Variants in PLA2G4D observed in about 807,000 individuals in gnomAD.
PLA2G4D encodes phospholipase A2 group IVD, also known as cytosolic phospholipase A2 delta.
A neutral mutation model predicts 94.4 loss-of-function variants in PLA2G4D; 80 were observed. The observed-to-expected ratio is 0.85, with a 90% CI of 0.71 to 1.02. The LOEUF is 1.02. Among genes scored for constraint, PLA2G4D ranks in the 50% least tolerant of loss-of-function variants. PLA2G4D has a pLI of 0.00. For missense variants in PLA2G4D, 1,050 were observed against 1,034.7 expected (o/e 1.01, Z -0.20); for synonymous variants, 438 against 440.9 (o/e 0.99, Z 0.08).
At chr15:42,076,888 G>A (rs750719852) in intron 13 of PLA2G4D, among the ~76,000 whole-genome samples, 3 of 152,148 alleles carry the variant, frequency 2.0e-5, no homozygotes, top group African/African-American at 4.8e-5. Context: ...TTTAATGCAG[G>A]TGTGCAAGGA....
chr15:42,078,303 T>G (rs142886499), intron 13 of PLA2G4D, among the ~76,000 whole-genome samples: 129 of 152,328 alleles, frequency 8.5e-4, no homozygotes, highest in African/African-American at 3.0e-3. Flanking sequence ...TAAACCTAAA[T>G]TCAGGATGTT....
Position 42,079,444 on chromosome 15 carries a change from A to G in PLA2G4D, c.1317+93T>C, listed in dbSNP as rs75210712. The G allele has an allele frequency of 8.3e-3, 10,455 of 1,265,836 alleles. 242 individuals are homozygous for G. The highest frequency in any genetic ancestry group is 0.071 in the African/African-American group (4,669 of 65,450). The allele number at this position is 1,265,836 out of a possible 1,614,324, so 78.4% of individuals were successfully genotyped here. A position where few individuals can be genotyped will look rare whatever the true frequency, so the allele number is the denominator to read the frequency against. Reference sequence around the variant, plus strand: ...AAAACACTGGCTCTTCCACGCTGCAAGAAATACGCACGCGCATGTCAGCCG... The same window carrying G: ...AAAACACTGGCTCTTCCACGCTGCAGGAAATACGCACGCGCATGTCAGCCG... On this transcript the variant is annotated intron_variant, in intron 13 of 19. Coordinates refer to ENST00000290472, the MANE Select transcript of PLA2G4D (RefSeq NM_178034.4).
intron 15 of PLA2G4D, 36 bp downstream of exon 15, chr15:42,071,738 A>C: frequency 6.9e-7 from 1 of 1,452,528 alleles, no homozygotes; most frequent in Non-Finnish European, 9.2e-7. Flanking sequence ...CACCTGGCCC[A>C]GGGCTGCCCA....
chr15:42,081,795 ACCAGCCCTCT>A lies in PLA2G4D; in HGVS notation c.813_821+1del, dbSNP rs777533931. On this transcript the variant is annotated splice_donor_variant and coding_sequence_variant, in exon 10 of 20. Transcript: ENST00000290472. LOFTEE classifies it high-confidence loss of function. ...GTCCCCACAGATGTGAATGTCCCTT[ACCAGCCCTCT>A]GCCTTGAGCTGCAGCCTCACTCCTG... is the stretch of plus-strand genomic sequence containing the variant. 2.5e-5 allele frequency: 40 copies of A among 1,613,842 alleles called. No homozygotes were observed. Among genetic ancestry groups the A allele is most frequent in the Non-Finnish European group, 8.5e-7 (1 of 1,180,006 alleles).
In PLA2G4D at chr15:42,086,889, A is replaced by G. The variant is rs531050161; in HGVS notation, c.255+411T>C. 1.4e-4 allele frequency among the ~76,000 whole-genome samples: 21 copies of G among 152,066 alleles called. No individual in the cohort carries two copies. The East Asian group carries it at 3.5e-3, about 25-fold the overall frequency. ...AAAACACATAAAAGTCTGTCAAATA[A>G]TTCCCTCTTCCTCTCTCCCTGTCTG... On this transcript the variant is annotated intron_variant, in intron 3 of 19. Coordinates refer to ENST00000290472, the MANE Select transcript of PLA2G4D (RefSeq NM_178034.4).
At chr15:42,078,782 T>G (rs915554238) in intron 13 of PLA2G4D, among the ~76,000 whole-genome samples, 39 of 152,230 alleles carry the variant, frequency 2.6e-4, no homozygotes, top group African/African-American at 9.4e-4. Flanking sequence ...ACTTTGTCTT[T>G]TCATTGTTTC....
chr15:42,081,816 G>A lies in PLA2G4D; in HGVS notation c.802C>T (p.Gln268Ter). The A allele has an allele frequency of 6.2e-7, 1 of 1,614,024 alleles. No homozygotes were observed. The highest frequency in any genetic ancestry group is 1.1e-5 in the South Asian group (1 of 91,082). The change falls in exon 10 of 20, where the codon CAG (glutamine) becomes TAG (stop). Residue 268 changes from glutamine to a stop codon, truncating the protein, a stop_gained. Transcript: ENST00000290472. LOFTEE classifies it high-confidence loss of function. ...PAPNAPGVRL[Q>*]LKAEGCPEEL... ...CCTTACCAGCCCTCTGCCTTGAGCT[G>A]CAGCCTCACTCCTGGGGCCTGAAAT...
intron 9 of PLA2G4D, among the ~76,000 whole-genome samples, 186 bp downstream of exon 9, chr15:42,082,093 G>A (rs1343395661): frequency 2.0e-5 from 3 of 151,946 alleles, no homozygotes; most frequent in Non-Finnish European, 2.9e-5. Context: ...CACCACACCC[G>A]GCTAATTTTT....
At chr15:42,071,674 C>T in intron 15 of PLA2G4D, 100 bp downstream of exon 15, 1 of 1,390,250 alleles carries the variant, frequency 7.2e-7, no homozygotes, top group Non-Finnish European at 1.0e-6. Flanking sequence ...CCACCCCTCC[C>T]CCTTGTCCTG....
chr15:42,089,057 A>G (rs777694940), intron 1 of PLA2G4D, among the ~76,000 whole-genome samples: 9 of 152,222 alleles, frequency 5.9e-5, no homozygotes, highest in Non-Finnish European at 1.5e-5. Flanking sequence ...AGTAAGTACG[A>G]TCTTCTCAGA....
rs1474151905 is a variant in PLA2G4D at position 42,084,924 on chromosome 15, C to A, written c.471+172G>T. ...TCTCTATGCGCCCCTTAGCTCCAGGCCCCTCCAAGACCCACAGCCACAGGT... is the reference window on the plus strand; with the variant it reads ...TCTCTATGCGCCCCTTAGCTCCAGGACCCTCCAAGACCCACAGCCACAGGT... On this transcript the variant is annotated intron_variant, in intron 6 of 19. Transcript: ENST00000290472. The surrounding 1 kb of genome is among the most constrained non-coding windows in gnomAD (Gnocchi z 4.8). Among the ~76,000 whole-genome samples the A allele has an allele frequency of 3.9e-5, 6 of 152,150 alleles. No individual in the cohort carries two copies. The highest frequency in any genetic ancestry group is 8.8e-5 in the Non-Finnish European group (6 of 68,014).
Position 42,086,194 on chromosome 15 carries a change from T to TGGGGGGGGGGGGGGGC in PLA2G4D, c.387+18_387+19insGCCCCCCCCCCCCCCC. 3.7e-5 allele frequency: 51 copies of TGGGGGGGGGGGGGGGC among 1,370,400 alleles called. No individual in the cohort carries two copies. Among genetic ancestry groups the TGGGGGGGGGGGGGGGC allele is most frequent in the Non-Finnish European group, 4.4e-5 (46 of 1,043,042 alleles). 84.9% of individuals were successfully genotyped at this position (1,370,400 alleles called of 1,614,324 possible). On this transcript the variant is annotated intron_variant, in intron 4 of 19. Coordinates refer to ENST00000290472, the MANE Select transcript of PLA2G4D (RefSeq NM_178034.4). ...GGAAGAAGTGGGGCCCACGGGGACT[T>TGGGGGGGGGGGGGGGC]CCCCACCCACCCACCCACCTGGGGA...
rs28672913 is a variant in PLA2G4D, at chr15:42,069,964, C to T, written c.2175G>A (p.Pro725=). ...LFSDPACPEA[P]ILLHFPLVNA... ...TGACCAGCGGGAAGTGCAGCAGGAT[C>T]GGGGCCTCGGGGCAGGCGGGGTCTG... is the stretch of plus-strand genomic sequence containing the variant. Residue 725 remains proline, a synonymous_variant, in exon 19 of 20, where the codon CCG becomes CCA. Transcript: ENST00000290472. The T allele has an allele frequency of 1.0e-5, 15 of 1,465,712 alleles. No homozygotes were observed. The highest frequency in any genetic ancestry group is 4.5e-5 in the African/African-American group (3 of 67,244). 90.8% of individuals were successfully genotyped at this position (1,465,712 alleles called of 1,614,324 possible).
chr15:42,087,844 C>T, intron 1 of PLA2G4D, 144 bp from the exon 2 acceptor site: 1 of 789,724 alleles, frequency 1.3e-6, no homozygotes. Context: ...GGGACACCCT[C>T]TGGGGACCAA....
chr15:42,086,406 G>C, intron 3 of PLA2G4D, 62 bp from the exon 4 acceptor site: 16 of 1,555,538 alleles, frequency 1.0e-5, no homozygotes, highest in Non-Finnish European at 1.4e-5. Flanking sequence ...GCTCACCTCT[G>C]TTGAGCCCTT....
chr15:42,086,194 T>TTGCCCCCCCCCCCCCCCCCCCC lies in PLA2G4D; in HGVS notation c.387+18_387+19insGGGGGGGGGGGGGGGGGGGGCA. ...GGAAGAAGTGGGGCCCACGGGGACT[T>TTGCCCCCCCCCCCCCCCCCCCC]CCCCACCCACCCACCCACCTGGGGA... On this transcript the variant is annotated intron_variant, in intron 4 of 19. Coordinates refer to ENST00000290472, the MANE Select transcript of PLA2G4D (RefSeq NM_178034.4). The TTGCCCCCCCCCCCCCCCCCCCC allele has an allele frequency of 7.3e-7, 1 of 1,370,444 alleles. No homozygotes were observed. The highest frequency in any genetic ancestry group is 1.5e-5 in the South Asian group (1 of 66,866). 84.9% of individuals were successfully genotyped at this position (1,370,444 alleles called of 1,614,324 possible).
intron 8 of PLA2G4D, 103 bp from the exon 9 acceptor site, chr15:42,082,492 GAAT>G: frequency 3.0e-6 from 2 of 668,226 alleles, no homozygotes; most frequent in South Asian, 2.0e-5. Context: ...TGATAATACA[GAAT>G]ATTATAATAT....
chr15:42,071,579 C>T (rs200830536), intron 15 of PLA2G4D, 28 bp from the exon 16 acceptor site: 360 of 1,589,248 alleles, frequency 2.3e-4, no homozygotes, highest in Non-Finnish European at 2.8e-4. Context: ...AGATCAGCCT[C>T]AGGCCCCAGC....
chr15:42,086,762 G>A (rs1466267440), intron 3 of PLA2G4D, among the ~76,000 whole-genome samples: 2 of 152,286 alleles, frequency 1.3e-5, no homozygotes, highest in Admixed American at 6.5e-5. Flanking sequence ...TGAGGCAGGC[G>A]AATCGCTTGA....
Sources: allele counts gnomAD v4.1 joint callset (sites outside exome capture counted in the v4.1 genomes callset), GRCh38; gene constraint gnomAD v4.1.1; non-coding constraint Gnocchi (gnomAD v3.1); transcripts MANE v1.5; gene names NCBI Gene and HGNC (gene_info 2026-07-23, HGNC 2026-07-21).